Variants in GPHN observed in about 807,000 individuals in gnomAD.
GPHN encodes gephyrin.
Under a neutral mutation model 95.5 loss-of-function variants are expected in GPHN, and 17 were observed. That is an observed-to-expected ratio of 0.18 (90% CI 0.12 to 0.27). GPHN has a LOEUF of 0.27. Among genes scored for constraint, GPHN ranks in the 10% least tolerant of loss-of-function variants. The pLI is 1.00. For missense variants in GPHN, 660 were observed against 978.1 expected (o/e 0.67, Z 4.34); for synonymous variants, 320 against 322.5 (o/e 0.99, Z 0.08).
the GPHN span, chr14:67,279,751 A>G: frequency 1.2e-5 from 5 of 425,310 alleles, no homozygotes; most frequent in South Asian, 1.1e-4. Flanking sequence ...TTAAGTCACT[A>G]TAACATGTTT....
At chr14:67,600,234 G>C in the GPHN span, 1 of 1,523,808 alleles carries the variant, frequency 6.6e-7, no homozygotes, top group Non-Finnish European at 8.8e-7. Flanking sequence ...CGCACCGCGC[G>C]GCGCTGCACT....
intron 20 of GPHN, among the ~76,000 whole-genome samples, chr14:67,166,906 C>G (rs1261471986): frequency 6.6e-6 from 1 of 152,118 alleles, no homozygotes; most frequent in East Asian, 1.9e-4. Context: ...TGAGCTCAAG[C>G]CATCCACCTG....
chr14:66,837,427 C>T (rs1196614114), intron 4 of GPHN, among the ~76,000 whole-genome samples: 1 of 115,802 alleles, frequency 8.6e-6, no homozygotes. Flanking sequence ...GGGAACATCA[C>T]ACTCTGGGGA....
At chr14:67,402,631 G>A in the GPHN span, among the ~76,000 whole-genome samples, 1 of 152,070 alleles carries the variant, frequency 6.6e-6, no homozygotes, top group African/African-American at 2.4e-5. Context: ...CTAAGTCCAT[G>A]AGTTGTTTTG....
chr14:66,579,788 A>T (rs1383936313), intron 1 of GPHN, among the ~76,000 whole-genome samples: 1 of 151,820 alleles, frequency 6.6e-6, no homozygotes, highest in Non-Finnish European at 1.5e-5. Context: ...TTCATCAATA[A>T]ACACATCATC....
intron 9 of GPHN, among the ~76,000 whole-genome samples, chr14:67,011,409 CAAAA>C (rs1224027486): frequency 8.1e-6 from 1 of 123,144 alleles, no homozygotes; most frequent in East Asian, 2.3e-4. Context: ...CCCACCTCTA[CAAAA>C]AAAAAAAAAA....
At chr14:67,213,419 G>T in the GPHN span, among the ~76,000 whole-genome samples, 5 of 142,582 alleles carry the variant, frequency 3.5e-5, no homozygotes, top group Non-Finnish European at 7.6e-5. Flanking sequence ...GCGGTGTTTG[G>T]TTTTTTGTTC....
At chr14:66,770,614 T>C (rs914327259) in intron 2 of GPHN, among the ~76,000 whole-genome samples, 3 of 152,180 alleles carry the variant, frequency 2.0e-5, no homozygotes, top group African/African-American at 7.2e-5. Flanking sequence ...GTAACTAAAA[T>C]GTGCATGTTT....
At chr14:66,599,266 C>A (rs1205711196) in intron 1 of GPHN, among the ~76,000 whole-genome samples, 1 of 151,806 alleles carries the variant, frequency 6.6e-6, no homozygotes, top group Non-Finnish European at 1.5e-5. Flanking sequence ...CCAAATTTAT[C>A]CTCATTCCAA....
chr14:67,248,677 A>G, the GPHN span, among the ~76,000 whole-genome samples: 2 of 152,098 alleles, frequency 1.3e-5, no homozygotes, highest in African/African-American at 4.8e-5. Context: ...CGTGGGCCAT[A>G]TTGTCTCTGT....
intron 9 of GPHN, among the ~76,000 whole-genome samples, chr14:67,004,250 T>C (rs2072445336): frequency 6.6e-6 from 1 of 151,710 alleles, no homozygotes; most frequent in Non-Finnish European, 1.5e-5. Flanking sequence ...ACCATAATGG[T>C]TTGGATGTGC....
At chr14:67,150,081 G>A (rs1258291968) in intron 18 of GPHN, among the ~76,000 whole-genome samples, 2 of 152,010 alleles carry the variant, frequency 1.3e-5, no homozygotes, top group Admixed American at 1.3e-4. Context: ...ATCAACTCAA[G>A]ATTTTAAGTA....
the GPHN span, among the ~76,000 whole-genome samples, chr14:67,537,602 GC>G: frequency 4.6e-5 from 7 of 151,756 alleles, no homozygotes; most frequent in East Asian, 1.4e-3. Flanking sequence ...GAAAGTTGTG[GC>G]TTCAGTGAAC....
At chr14:67,196,206 T>C in the GPHN span, among the ~76,000 whole-genome samples, 52 of 151,110 alleles carry the variant, frequency 3.4e-4, 1 homozygote, top group African/African-American at 1.2e-3. Flanking sequence ...CTTTCCTTTC[T>C]TTTCTTTTCT....
chr14:66,935,869 C>T (rs1279124197), intron 8 of GPHN, among the ~76,000 whole-genome samples: 1 of 151,958 alleles, frequency 6.6e-6, no homozygotes, highest in Non-Finnish European at 1.5e-5. Flanking sequence ...TATATATCAG[C>T]TCTTTACGTA....
At chr14:67,674,403 G>C in the GPHN span, 2 of 1,603,572 alleles carry the variant, frequency 1.2e-6, no homozygotes, top group Non-Finnish European at 8.5e-7. Context: ...GCAGCCGCTC[G>C]GGCACCCCTT....
At chr14:67,369,824 A>G in the GPHN span, among the ~76,000 whole-genome samples, 1 of 151,822 alleles carries the variant, frequency 6.6e-6, no homozygotes, top group Non-Finnish European at 1.5e-5. Flanking sequence ...AAAAGAAAGG[A>G]AAGGTAAACT....
intron 17 of GPHN, among the ~76,000 whole-genome samples, chr14:67,134,150 G>A (rs1020206068): frequency 6.6e-5 from 10 of 152,202 alleles, no homozygotes; most frequent in Non-Finnish European, 1.3e-4. Context: ...ACCCAAGGGG[G>A]TGTTAAGGAA....
the GPHN span, among the ~76,000 whole-genome samples, chr14:67,247,586 CT>C: frequency 4.0e-4 from 59 of 146,092 alleles, no homozygotes; most frequent in Admixed American, 5.5e-4. Context: ...ATCTTGTTCA[CT>C]TTTTTTTTTT....
Sources: gnomAD v4.1 joint callset for allele counts (sites outside exome capture counted in the v4.1 genomes callset) on GRCh38, gnomAD v4.1.1 for gene constraint, MANE v1.5 for transcripts, NCBI Gene and HGNC (gene_info 2026-07-23, HGNC 2026-07-21) for gene names.